The following CAMTA1 variants were observed in gnomAD, a reference collection of about 807,000 sequenced individuals.
CAMTA1 encodes calmodulin-binding transcription activator 1.
Under a neutral mutation model 170.9 loss-of-function variants are expected in CAMTA1, and 27 were observed. The ratio of observed to expected loss-of-function variants is 0.16; its 90% confidence interval spans 0.12 to 0.22. CAMTA1 has a LOEUF of 0.22. Ranked by LOEUF, CAMTA1 falls within the 10% of genes least tolerant of loss-of-function variation. The probability of loss-of-function intolerance (pLI) is 1.00; values close to 1 mark genes in which losing one functional copy is unlikely to be tolerated. For missense variants in CAMTA1, 1,619 were observed against 2,217.2 expected, an observed-to-expected ratio of 0.73 and a Z score of 5.42; for synonymous variants, 833 against 891.5, an observed-to-expected ratio of 0.93 and a Z score of 1.17.
intron 4 of CAMTA1, among the ~76,000 whole-genome samples, chr1:7,190,175 T>C (rs1654242156): frequency 6.6e-6 from 1 of 152,024 alleles, no homozygotes; most frequent in Non-Finnish European, 1.5e-5. Context: ...ACAAATTGGG[T>C]TCAGTGTATA....
chr1:6,880,390 T>TTG (rs1671215593), intron 3 of CAMTA1, among the ~76,000 whole-genome samples: 1 of 144,598 alleles, frequency 6.9e-6, no homozygotes, highest in South Asian at 2.3e-4. Flanking sequence ...AGTGTTTTTT[T>TTG]TTTTTTTTTT....
intron 6 of CAMTA1, among the ~76,000 whole-genome samples, chr1:7,606,268 G>A (rs777359438): frequency 1.1e-4 from 17 of 152,258 alleles, no homozygotes; most frequent in South Asian, 2.1e-4. Flanking sequence ...GGATGCCAGC[G>A]GTCCAAGGAG....
intron 3 of CAMTA1, among the ~76,000 whole-genome samples, chr1:7,046,903 A>C (rs6577409): frequency 2.0e-5 from 3 of 152,090 alleles, no homozygotes; most frequent in Non-Finnish European, 4.4e-5. Flanking sequence ...CTGCTGCCGG[A>C]GTAGACATGG....
At chr1:6,816,606 G>T (rs535296300) in intron 1 of CAMTA1, among the ~76,000 whole-genome samples, 2 of 152,314 alleles carry the variant, frequency 1.3e-5, no homozygotes, top group East Asian at 1.9e-4. Context: ...TCTGAGGAAG[G>T]ACTTGAACCC....
intron 3 of CAMTA1, among the ~76,000 whole-genome samples, chr1:7,087,713 C>T (rs1329849909): frequency 2.0e-5 from 3 of 152,154 alleles, no homozygotes; most frequent in African/African-American, 7.2e-5. Context: ...GGCCATGGTT[C>T]CTATTTCATA....
At chr1:6,929,168 T>C (rs1200062899) in intron 3 of CAMTA1, among the ~76,000 whole-genome samples, 1 of 152,184 alleles carries the variant, frequency 6.6e-6, no homozygotes, top group African/African-American at 2.4e-5. Context: ...TTTTCTTCTC[T>C]TTTTGTTTTG....
Position 7,665,851 on chromosome 1 carries a change from C to T in CAMTA1, c.2652+652C>T, listed in dbSNP as rs1490521678. Among the ~76,000 whole-genome samples the T allele has an allele frequency of 6.6e-6, 1 of 151,764 alleles. No homozygotes were observed. The highest frequency in any genetic ancestry group is 2.4e-5 in the African/African-American group (1 of 41,322). On this transcript the variant is annotated intron_variant, in intron 9 of 22. Transcript: ENST00000303635. The surrounding 1 kb of genome is among the most constrained non-coding windows in gnomAD (Gnocchi z 4.3). Reference sequence around the variant, plus strand: ...TTTGCTTTTTTTTTGAAAAGGGGTCCCAGGGTTGCTTAAAAAAATTCAAAA... The same window carrying T: ...TTTGCTTTTTTTTTGAAAAGGGGTCTCAGGGTTGCTTAAAAAAATTCAAAA...
chr1:7,751,490 G>T, intron 20 of CAMTA1, 98 bp downstream of exon 20: 1 of 1,077,654 alleles, frequency 9.3e-7, no homozygotes. Flanking sequence ...AGTCTGGGGT[G>T]GGCCTAAAGC....
chr1:7,573,765 T>G (rs1327455549), intron 6 of CAMTA1, among the ~76,000 whole-genome samples: 2 of 151,968 alleles, frequency 1.3e-5, no homozygotes, highest in Admixed American at 6.5e-5. Context: ...GTTTTTTGGG[T>G]TTTTTTGGGT....
At chr1:7,290,779 A>G (rs1010935325) in intron 5 of CAMTA1, among the ~76,000 whole-genome samples, 7 of 152,180 alleles carry the variant, frequency 4.6e-5, no homozygotes, top group Admixed American at 1.3e-4. Flanking sequence ...CCGACAGATG[A>G]CAGTCATAGA....
intron 4 of CAMTA1, among the ~76,000 whole-genome samples, chr1:7,183,932 G>T (rs1229867755): frequency 6.6e-6 from 1 of 152,160 alleles, no homozygotes; most frequent in Non-Finnish European, 1.5e-5. Context: ...TCATATTAAA[G>T]AAAGTAAAAT....
intron 3 of CAMTA1, among the ~76,000 whole-genome samples, chr1:7,071,205 T>A (rs1230530469): frequency 6.6e-6 from 1 of 152,224 alleles, no homozygotes; most frequent in East Asian, 1.9e-4. Context: ...GTGTTTCTTC[T>A]GACCTTGATG....
chr1:7,182,891 A>T (rs1652499094), intron 4 of CAMTA1, among the ~76,000 whole-genome samples: 1 of 152,230 alleles, frequency 6.6e-6, no homozygotes, highest in Non-Finnish European at 1.5e-5. Context: ...GTCATTTTTA[A>T]TCTGTCAGAT....
At chr1:7,548,086 G>A (rs146190943) in intron 6 of CAMTA1, among the ~76,000 whole-genome samples, 20 of 152,304 alleles carry the variant, frequency 1.3e-4, no homozygotes, top group African/African-American at 2.2e-4. Flanking sequence ...TGACCATATC[G>A]TTTTGAGAGA....
intron 3 of CAMTA1, among the ~76,000 whole-genome samples, chr1:6,916,455 G>C (rs1359365950): frequency 6.6e-6 from 1 of 151,986 alleles, no homozygotes; most frequent in African/African-American, 2.4e-5. Context: ...CTCTCCCCCA[G>C]CATTTACGGC....
intron 5 of CAMTA1, among the ~76,000 whole-genome samples, chr1:7,331,933 A>G (rs752555244): frequency 1.3e-5 from 2 of 152,154 alleles, no homozygotes; most frequent in South Asian, 2.1e-4. Context: ...ATGACAAACT[A>G]TTTGGGATTC....
intron 3 of CAMTA1, among the ~76,000 whole-genome samples, chr1:6,858,809 T>G (rs1235271112): frequency 1.3e-5 from 2 of 152,218 alleles, no homozygotes; most frequent in African/African-American, 4.8e-5. Context: ...CTCAGGAAGA[T>G]CTAACTTCTG....
intron 6 of CAMTA1, among the ~76,000 whole-genome samples, chr1:7,569,824 CATT>C (rs1253624154): frequency 6.6e-6 from 1 of 152,092 alleles, no homozygotes; most frequent in South Asian, 2.1e-4. Context: ...CAATCACCAT[CATT>C]ATTATTACTG....
intron 22 of CAMTA1, among the ~76,000 whole-genome samples, chr1:7,760,400 C>T (rs2096965809): frequency 6.6e-6 from 1 of 152,138 alleles, no homozygotes; most frequent in Non-Finnish European, 1.5e-5. Context: ...AGTTCTCTAA[C>T]AATGCGGGGA....
Sources: allele counts gnomAD v4.1 joint callset (sites outside exome capture counted in the v4.1 genomes callset), GRCh38; gene constraint gnomAD v4.1.1; non-coding constraint Gnocchi (gnomAD v3.1); transcripts MANE v1.5; gene names NCBI Gene and HGNC (gene_info 2026-07-23, HGNC 2026-07-21).